The following ITIH2 variants were observed in gnomAD, a reference collection of about 807,000 sequenced individuals.
ITIH2 encodes inter-alpha-trypsin inhibitor heavy chain 2.
Under a neutral mutation model 104.4 loss-of-function variants are expected in ITIH2, and 103 were observed. The observed-to-expected ratio is 0.99, with a 90% CI of 0.84 to 1.16. The LOEUF (loss-of-function observed/expected upper bound fraction) is 1.16, where lower values mean the gene tolerates loss of function less well. Among genes scored for constraint, ITIH2 ranks in the 50% most tolerant of loss-of-function variants. ITIH2 has a pLI of 0.00. For missense variants in ITIH2, 1,108 were observed against 1,162.4 expected (o/e 0.95, Z 0.68); for synonymous variants, 436 against 435.4 (o/e 1.00, Z -0.02).
rs1834986478 is a variant in ITIH2 at position 7,730,006 on chromosome 10, A to C, written c.1334A>C (p.Asn445Thr). The C allele has an allele frequency of 6.2e-7, 1 of 1,613,122 alleles. No individual in the cohort carries two copies. Among genetic ancestry groups the C allele is most frequent in the African/African-American group, 1.3e-5 (1 of 75,024 alleles). ...AACGTTAAGGAGAACATCCAAGACA[A>C]TATCTCCTTGTTCAGTTTGGGCATG... Reference protein sequence around the residue: ...QKNVKENIQDNISLFSLGMGF... With the variant: ...QKNVKENIQDTISLFSLGMGF... The change falls in exon 12 of 21, where the codon AAT (asparagine) becomes ACT (threonine). Residue 445 changes from asparagine (N) to threonine (T), a missense_variant. Asn to Thr is a moderately conservative substitution (Grantham distance 65). Transcript: ENST00000358415.
intron 20 of ITIH2, among the ~76,000 whole-genome samples, chr10:7,748,672 G>A (rs1835204887): frequency 6.6e-6 from 1 of 151,028 alleles, no homozygotes; most frequent in Non-Finnish European, 1.5e-5. Context: ...CTCCCAAGTA[G>A]CTGGGACTAC....
At chr10:7,710,335 C>A (rs1262385340) in intron 4 of ITIH2, among the ~76,000 whole-genome samples, 1 of 152,210 alleles carries the variant, frequency 6.6e-6, no homozygotes, top group Non-Finnish European at 1.5e-5. Flanking sequence ...CCAATACTTT[C>A]CAAACAGTTA....
At chr10:7,729,344 G>A (rs1025933078) in intron 11 of ITIH2, among the ~76,000 whole-genome samples, 2 of 152,068 alleles carry the variant, frequency 1.3e-5, no homozygotes, top group African/African-American at 2.4e-5. Flanking sequence ...CCATAATTTG[G>A]TTTAATCATG....
chr10:7,725,378 G>A (rs1033177689), intron 9 of ITIH2, among the ~76,000 whole-genome samples: 5 of 152,190 alleles, frequency 3.3e-5, no homozygotes, highest in African/African-American at 1.2e-4. Flanking sequence ...GTTCTAAGTC[G>A]AAAGTGTGCA....
chr10:7,722,905 T>G (rs1447251202), intron 8 of ITIH2, among the ~76,000 whole-genome samples: 2 of 152,212 alleles, frequency 1.3e-5, no homozygotes, highest in African/African-American at 4.8e-5. Context: ...GATTCACCGC[T>G]GGTTAGCAGG....
chr10:7,732,532 G>A (rs1234570567), intron 14 of ITIH2, 55 bp downstream of exon 14: 5 of 1,572,414 alleles, frequency 3.2e-6, no homozygotes, highest in Admixed American at 3.4e-5. Context: ...AATGTCCACC[G>A]TGAATATATG....
chr10:7,707,876 T>C (rs1030724844), intron 3 of ITIH2, among the ~76,000 whole-genome samples: 1 of 152,346 alleles, frequency 6.6e-6, no homozygotes, highest in African/African-American at 2.4e-5. Context: ...CATTTTGATT[T>C]AAAGTATGAC....
At chr10:7,747,485 A>G (rs1835190218) in intron 20 of ITIH2, among the ~76,000 whole-genome samples, 1 of 152,224 alleles carries the variant, frequency 6.6e-6, no homozygotes, top group Non-Finnish European at 1.5e-5. Context: ...AATTAGTATC[A>G]GTTTATGGGA....
intron 4 of ITIH2, 29 bp from the exon 5 acceptor site, chr10:7,713,152 C>T: frequency 6.5e-7 from 1 of 1,544,546 alleles, no homozygotes; most frequent in Non-Finnish European, 8.9e-7. Context: ...ACTATTCTGA[C>T]CAACTGGTTA....
At chr10:7,715,043 C>T (rs1047390082) in intron 5 of ITIH2, among the ~76,000 whole-genome samples, 3 of 152,128 alleles carry the variant, frequency 2.0e-5, no homozygotes, top group Non-Finnish European at 4.4e-5. Context: ...TAAAATTCAG[C>T]CAGGTAGAGA....
Position 7,743,186 on chromosome 10 carries a change from C to A in ITIH2, c.2136C>A (p.Ser712Arg). The A allele has an allele frequency of 6.3e-7, 1 of 1,589,882 alleles. No individual in the cohort carries two copies. The highest frequency in any genetic ancestry group is 1.8e-5 in the Admixed American group (1 of 56,146). ...ATTTCATCATTTATCTACCAAAAAG[C>A]CAAAAGAACATTTGTTTCAATATTG... ...DPHFIIYLPK[S>R]QKNICFNIDS... The change falls in exon 17 of 21, where the codon AGC becomes AGA. Residue 712 changes from serine (S) to arginine (R), a missense_variant. Physicochemically the swap from Ser to Arg is moderately radical, Grantham distance 110 (BLOSUM62 -1). Transcript: ENST00000358415.
rs1835053758 is a variant in ITIH2 at position 7,736,162 on chromosome 10, A to G, written c.1957+1071A>G. On this transcript the variant is annotated intron_variant, in intron 15 of 20. Transcript: ENST00000358415. ...GGGTTAATTGCTTGAGCCTATGAAC[A>G]TGAGACGAGCCTGGTCAACATAGCA... is the stretch of plus-strand genomic sequence containing the variant. Among the ~76,000 whole-genome samples the G allele has an allele frequency of 2.0e-5, 3 of 152,000 alleles. No individual in the cohort carries two copies. The South Asian group carries it at 6.2e-4, about 32-fold the overall frequency.
At position 7,726,463 on chromosome 10, in the gene ITIH2, T is replaced by C. The variant is rs181677243; in HGVS notation, c.985-487T>C. On this transcript the variant is annotated intron_variant, in intron 9 of 20. Coordinates refer to ENST00000358415, the MANE Select transcript of ITIH2 (RefSeq NM_002216.3). ...AAGAAAAATGTATGGGTACAAATAT[T>C]GATGGTTGGGATTTTATGGTAGTGG... Among the ~76,000 whole-genome samples, 815 of 152,240 alleles carry C rather than the reference T, an allele frequency of 5.4e-3. 2 individuals are homozygous for C. Among genetic ancestry groups the C allele is most frequent in the African/African-American group, 0.019 (774 of 41,534 alleles).
At chr10:7,734,398 A>T (rs1396746088) in intron 14 of ITIH2, among the ~76,000 whole-genome samples, 2 of 152,170 alleles carry the variant, frequency 1.3e-5, no homozygotes, top group African/African-American at 2.4e-5. Flanking sequence ...ATAAAGTTTT[A>T]AAAAAATGCC....
rs1588462365 is a variant in ITIH2 at position 7,744,794 on chromosome 10, G to A, written c.2412G>A (p.Val804=). ...TCCTCTTGGACTTTCACACCAGGGT[G>A]CAGATCTCAGTGAAGAAAGAAAAAG... ...SDTAQVTNQR[V]QISVKKEKVV... Residue 804 remains valine (V), a synonymous_variant, in exon 19 of 21, where the codon GTG becomes GTA. Transcript: ENST00000358415. 8 of 1,613,436 alleles carry A rather than the reference G, an allele frequency of 5.0e-6. No individual in the cohort carries two copies. The highest frequency in any genetic ancestry group is 6.8e-6 in the Non-Finnish European group (8 of 1,179,568).
chr10:7,737,283 G>T (rs1835064170), intron 15 of ITIH2, among the ~76,000 whole-genome samples: 1 of 150,398 alleles, frequency 6.6e-6, no homozygotes, highest in African/African-American at 2.5e-5. Flanking sequence ...CACCCCCGAG[G>T]GTGCACACAC....
At chr10:7,745,805 A>G (rs972861843) in intron 19 of ITIH2, among the ~76,000 whole-genome samples, 3 of 151,126 alleles carry the variant, frequency 2.0e-5, no homozygotes, top group Non-Finnish European at 4.4e-5. Flanking sequence ...CCCAGGCTGG[A>G]GCGCAGTGGC....
intron 1 of ITIH2, among the ~76,000 whole-genome samples, 177 bp from the exon 2 acceptor site, chr10:7,704,931 G>A (rs1278492113): frequency 6.6e-6 from 1 of 151,010 alleles, no homozygotes; most frequent in Non-Finnish European, 1.5e-5. Context: ...GGGGGTGGGG[G>A]GCTAGGGGAG....
intron 4 of ITIH2, 43 bp from the exon 5 acceptor site, chr10:7,713,135 AAAG>A: frequency 1.4e-6 from 2 of 1,480,974 alleles, no homozygotes; most frequent in Non-Finnish European, 1.9e-6. Flanking sequence ...GAAAAAAAAA[AAAG>A]ATTACTATTC....
Sources: gnomAD v4.1 joint callset for allele counts (sites outside exome capture counted in the v4.1 genomes callset) on GRCh38, gnomAD v4.1.1 for gene constraint, MANE v1.5 for transcripts, NCBI Gene and HGNC (gene_info 2026-07-23, HGNC 2026-07-21) for gene names.